The following MCUB variants were observed in gnomAD, a reference collection of about 807,000 sequenced individuals.
MCUB encodes mitochondrial calcium uniporter dominant negative subunit beta.
MCUB carries 46 observed loss-of-function variants against 41.4 expected under a neutral mutation model. The observed-to-expected ratio is 1.11, with a 90% CI of 0.88 to 1.42. The LOEUF is 1.42. Ranked by LOEUF, MCUB falls within the 40% of genes most tolerant of loss-of-function variation. The pLI, the probability that MCUB is intolerant of heterozygous loss-of-function variation, is 0.00. For missense variants in MCUB, 403 were observed against 404.9 expected (o/e 1.00, Z 0.04); for synonymous variants, 148 against 148.2 (o/e 1.00, Z 0.01).
chr4:109,647,071 A>G (rs1323070780), intron 1 of MCUB, among the ~76,000 whole-genome samples: 2 of 152,186 alleles, frequency 1.3e-5, no homozygotes, highest in Non-Finnish European at 2.9e-5. Context: ...ACCACGCAGA[A>G]AGCTCTAAGA....
At chr4:109,572,823 A>G (rs1726945705) in intron 1 of MCUB, among the ~76,000 whole-genome samples, 1 of 152,158 alleles carries the variant, frequency 6.6e-6, no homozygotes, top group Admixed American at 6.5e-5. Flanking sequence ...TTATTGCTTT[A>G]TATAATGAAA....
At chr4:109,580,134 G>T (rs1727135428) in intron 1 of MCUB, among the ~76,000 whole-genome samples, 1 of 152,146 alleles carries the variant, frequency 6.6e-6, no homozygotes, top group Non-Finnish European at 1.5e-5. Flanking sequence ...GCGGTGTTTG[G>T]TTTTCTGTCC....
At chr4:109,587,658 T>C (rs1727342819) in intron 1 of MCUB, among the ~76,000 whole-genome samples, 1 of 152,200 alleles carries the variant, frequency 6.6e-6, no homozygotes, top group Non-Finnish European at 1.5e-5. Flanking sequence ...TTATAGGAAA[T>C]CAGAATATTA....
At chr4:109,561,748 T>G (rs1333741563) in intron 1 of MCUB, among the ~76,000 whole-genome samples, 1 of 152,064 alleles carries the variant, frequency 6.6e-6, no homozygotes, top group Non-Finnish European at 1.5e-5. Flanking sequence ...CAGATTATTG[T>G]TTTTTGTTGT....
chr4:109,654,313 C>A (rs532857038), intron 1 of MCUB, among the ~76,000 whole-genome samples: 1 of 152,010 alleles, frequency 6.6e-6, no homozygotes, highest in Non-Finnish European at 1.5e-5. Context: ...TATAGTGATA[C>A]TTAAGATCAT....
intron 3 of MCUB, among the ~76,000 whole-genome samples, chr4:109,663,823 A>T (rs1489626876): frequency 6.6e-6 from 1 of 152,208 alleles, no homozygotes; most frequent in Non-Finnish European, 1.5e-5. Flanking sequence ...GAAGTGGCAG[A>T]AGACAGGCCC....
At chr4:109,628,513 T>C (rs1039231627) in intron 1 of MCUB, among the ~76,000 whole-genome samples, 2 of 152,130 alleles carry the variant, frequency 1.3e-5, no homozygotes, top group African/African-American at 4.8e-5. Context: ...GGCAAAGTAG[T>C]CAGGGAAAGA....
At chr4:109,561,148 A>T (rs146103709) in intron 1 of MCUB, 1 of 152,680 alleles carries the variant, frequency 6.5e-6, no homozygotes, top group Non-Finnish European at 1.5e-5. Context: ...GAGGATTGCG[A>T]TGGAGCCTGA....
At chr4:109,653,947 C>T (rs1729020955) in intron 1 of MCUB, among the ~76,000 whole-genome samples, 1 of 152,140 alleles carries the variant, frequency 6.6e-6, no homozygotes, top group African/African-American at 2.4e-5. Context: ...CATAGTCACT[C>T]ATTTTTGTTT....
At chr4:109,566,278 G>A (rs901594639) in intron 1 of MCUB, among the ~76,000 whole-genome samples, 11 of 151,578 alleles carry the variant, frequency 7.3e-5, no homozygotes, top group African/African-American at 1.2e-4. Flanking sequence ...GACTATCCTG[G>A]CTAACACGGT....
At chr4:109,569,363 A>G (rs1190848407) in intron 1 of MCUB, among the ~76,000 whole-genome samples, 1 of 152,044 alleles carries the variant, frequency 6.6e-6, no homozygotes, top group Non-Finnish European at 1.5e-5. Context: ...GTAGTCTTAA[A>G]TCATATTTTG....
At chr4:109,646,454 G>T (rs918129257) in intron 1 of MCUB, among the ~76,000 whole-genome samples, 6 of 152,090 alleles carry the variant, frequency 3.9e-5, no homozygotes, top group Admixed American at 3.3e-4. Context: ...TCTGGGCCGG[G>T]TCACCACCAT....
At chr4:109,625,885 TA>T (rs1244031945) in intron 1 of MCUB, among the ~76,000 whole-genome samples, 4 of 152,256 alleles carry the variant, frequency 2.6e-5, no homozygotes, top group Non-Finnish European at 5.9e-5. Context: ...TAGGTTGTCT[TA>T]AATTATCTGC....
At chr4:109,574,217 A>G (rs1412562251) in intron 1 of MCUB, among the ~76,000 whole-genome samples, 1 of 152,104 alleles carries the variant, frequency 6.6e-6, no homozygotes, top group Non-Finnish European at 1.5e-5. Flanking sequence ...TTTGCATTCA[A>G]ATATCTGAGA....
At chr4:109,572,879 C>G (rs1445474362) in intron 1 of MCUB, among the ~76,000 whole-genome samples, 1 of 152,102 alleles carries the variant, frequency 6.6e-6, no homozygotes, top group East Asian at 1.9e-4. Context: ...GAACTAGTCA[C>G]TCTTGTGTAT....
rs145145349 is a variant in MCUB at position 109,584,364 on chromosome 4, C to T, written c.99+23928C>T. On this transcript the variant is annotated intron_variant, in intron 1 of 7. Coordinates refer to ENST00000394650, the MANE Select transcript of MCUB (RefSeq NM_017918.5). ...TCTTCTTCTTTATTAGTCTTGCTAG[C>T]AGTCTAGCAATTTTGTTGATCTTTC... 3.5e-3 allele frequency among the ~76,000 whole-genome samples: 537 copies of T among 152,192 alleles called. 7 individuals carry two copies. The highest frequency in any genetic ancestry group is 0.014 in the East Asian group (70 of 5,180).
At chr4:109,566,457 G>A (rs1445220381) in intron 1 of MCUB, among the ~76,000 whole-genome samples, 1 of 145,082 alleles carries the variant, frequency 6.9e-6, no homozygotes. Context: ...GCAACAGAGT[G>A]AGACTCTGTC....
intron 1 of MCUB, among the ~76,000 whole-genome samples, chr4:109,592,053 T>C (rs1391108673): frequency 6.6e-6 from 1 of 152,180 alleles, no homozygotes; most frequent in Non-Finnish European, 1.5e-5. Context: ...GGTTTCTCTT[T>C]CTGCTGTTTT....
intron 1 of MCUB, among the ~76,000 whole-genome samples, chr4:109,616,399 A>G (rs1418101784): frequency 3.3e-5 from 5 of 152,028 alleles, no homozygotes; most frequent in South Asian, 2.1e-4. Context: ...ACAGTACCCT[A>G]CCTCTAGTGG....
Sources: gnomAD v4.1 joint callset for allele counts (sites outside exome capture counted in the v4.1 genomes callset) on GRCh38, gnomAD v4.1.1 for gene constraint, MANE v1.5 for transcripts, NCBI Gene and HGNC (gene_info 2026-07-23, HGNC 2026-07-21) for gene names.